The following KAZN variants were observed in gnomAD, a reference collection of about 807,000 sequenced individuals.
KAZN encodes kazrin, periplakin interacting protein.
KAZN carries 40 observed loss-of-function variants against 87.4 expected under a neutral mutation model. The ratio of observed to expected loss-of-function variants is 0.46; its 90% CI spans 0.36 to 0.60. The LOEUF (loss-of-function observed/expected upper bound fraction) is 0.60. Among genes scored for constraint, KAZN ranks in the 20% least tolerant of loss-of-function variants. The probability of loss-of-function intolerance (pLI) is 0.00; values close to 1 mark genes in which losing one functional copy is unlikely to be tolerated. For missense variants in KAZN, 898 were observed against 1,073.9 expected, an observed-to-expected ratio of 0.84 and a Z score of 2.29; for synonymous variants, 466 against 458.3, an observed-to-expected ratio of 1.02 and a Z score of -0.22.
At chr1:14,900,743 G>C (rs969394637) in intron 1 of KAZN, among the ~76,000 whole-genome samples, 2 of 104,756 alleles carry the variant, frequency 1.9e-5, no homozygotes, top group Non-Finnish European at 4.2e-5. Context: ...GACAGAGCAA[G>C]ACTCCATCTC....
At chr1:14,073,293 C>G (rs1391582380) in intron 1 of KAZN, among the ~76,000 whole-genome samples, 1 of 152,126 alleles carries the variant, frequency 6.6e-6, no homozygotes, top group African/African-American at 2.4e-5. Context: ...GCCACAAACT[C>G]TAGTGTACCA....
intron 1 of KAZN, among the ~76,000 whole-genome samples, chr1:14,152,862 G>A (rs545905771): frequency 2.0e-5 from 3 of 152,204 alleles, no homozygotes; most frequent in Admixed American, 6.5e-5. Context: ...GTTATTGCTG[G>A]ACTTTTGGAT....
chr1:14,691,746 C>T (rs1241825819), intron 1 of KAZN, among the ~76,000 whole-genome samples: 1 of 152,146 alleles, frequency 6.6e-6, no homozygotes, highest in Non-Finnish European at 1.5e-5. Flanking sequence ...CTCAGCCTCC[C>T]AGAGTGCCGT....
intron 1 of KAZN, among the ~76,000 whole-genome samples, chr1:14,770,935 G>A (rs1467762100): frequency 2.0e-5 from 3 of 152,186 alleles, no homozygotes; most frequent in African/African-American, 7.2e-5. Flanking sequence ...AAGGGGAACA[G>A]GGAGACATCG....
chr1:14,527,688 C>G (rs116361103), intron 2 of KAZN, among the ~76,000 whole-genome samples: 41 of 152,120 alleles, frequency 2.7e-4, no homozygotes, highest in Non-Finnish European at 5.6e-4. Flanking sequence ...GGAAGAGAAG[C>G]CAGCATGTGC....
At chr1:15,105,865 T>G (rs1326662036) in intron 13 of KAZN, among the ~76,000 whole-genome samples, 1 of 152,220 alleles carries the variant, frequency 6.6e-6, no homozygotes, top group Non-Finnish European at 1.5e-5. Context: ...TTGAAGCTAT[T>G]GTAAAATGCA....
chr1:13,949,306 G>T (rs148553414), intron 1 of KAZN, among the ~76,000 whole-genome samples: 825 of 81,140 alleles, frequency 0.01, 6 homozygotes, highest in African/African-American at 0.038. Flanking sequence ...CATCCCATGA[G>T]CTCTTGTACT....
intron 1 of KAZN, among the ~76,000 whole-genome samples, chr1:13,983,211 A>AG (rs778189296): frequency 1.2e-4 from 19 of 152,180 alleles, no homozygotes; most frequent in Non-Finnish European, 2.8e-4. Context: ...CCGTGGAGCA[A>AG]GGGGTGGCGC....
rs552455269 is a variant in KAZN, at chr1:14,457,887, G to A, written c.250-141096G>A. 5.3e-5 allele frequency among the ~76,000 whole-genome samples: 8 copies of A among 149,610 alleles called. No individual in the cohort carries two copies. The East Asian group carries it at 7.9e-4, about 15-fold the overall frequency. ...GGCTGGAGTGCAGTGGTGCAATCTC[G>A]GCTCACTGCAAGCTCTGCCTCCCGT... On this transcript the variant is annotated intron_variant, in intron 2 of 16. Transcript: ENST00000636203.
intron 1 of KAZN, among the ~76,000 whole-genome samples, chr1:13,903,918 C>T (rs932192225): frequency 6.6e-6 from 1 of 152,130 alleles, no homozygotes; most frequent in Non-Finnish European, 1.5e-5. Context: ...CTCTGAGTCC[C>T]TGGGTGACTG....
intron 1 of KAZN, among the ~76,000 whole-genome samples, chr1:14,721,579 A>C (rs541099282): frequency 6.6e-6 from 1 of 152,196 alleles, no homozygotes; most frequent in South Asian, 2.1e-4. Flanking sequence ...TGTGTTGAGT[A>C]TTTACCTCAA....
intron 1 of KAZN, among the ~76,000 whole-genome samples, chr1:14,787,125 G>C (rs1645531866): frequency 6.6e-6 from 1 of 152,172 alleles, no homozygotes; most frequent in Non-Finnish European, 1.5e-5. Flanking sequence ...CTTTGATTCT[G>C]AGTTCAAGTC....
intron 1 of KAZN, among the ~76,000 whole-genome samples, chr1:14,633,969 G>A (rs1233085948): frequency 6.6e-6 from 1 of 151,962 alleles, no homozygotes; most frequent in Admixed American, 6.6e-5. Context: ...CTGACAAAAT[G>A]GGGTTGTTCT....
intron 1 of KAZN, among the ~76,000 whole-genome samples, chr1:14,681,515 CTTGAAAGT>C (rs1557885357): frequency 1.4e-5 from 2 of 148,112 alleles, no homozygotes; most frequent in East Asian, 4.0e-4. Flanking sequence ...CCATTTTCAG[CTTGAAAGT>C]GGCATTTGCA....
chr1:14,816,765 AATAC>A (rs1175658687), intron 1 of KAZN, among the ~76,000 whole-genome samples: 1 of 152,200 alleles, frequency 6.6e-6, no homozygotes, highest in East Asian at 1.9e-4. Context: ...AGAATGAATA[AATAC>A]ATACATATAT....
chr1:14,050,144 T>C (rs925402120), intron 1 of KAZN, among the ~76,000 whole-genome samples: 2 of 121,466 alleles, frequency 1.6e-5, no homozygotes, highest in Non-Finnish European at 3.9e-5. Context: ...ATGTGTGGAT[T>C]TGGGTATGCT....
At chr1:14,258,061 T>C (rs370480737) in intron 2 of KAZN, among the ~76,000 whole-genome samples, 8 of 148,458 alleles carry the variant, frequency 5.4e-5, no homozygotes, top group African/African-American at 2.0e-4. Context: ...TTATATGAAG[T>C]GCAAGAGACT....
intron 1 of KAZN, among the ~76,000 whole-genome samples, chr1:14,162,752 G>A (rs1645737733): frequency 6.6e-6 from 1 of 151,988 alleles, no homozygotes; most frequent in Admixed American, 6.6e-5. Context: ...CACCGTGTTA[G>A]CCAGGATGGT....
At chr1:14,988,843 G>A (rs934818403) in intron 2 of KAZN, among the ~76,000 whole-genome samples, 1 of 151,146 alleles carries the variant, frequency 6.6e-6, no homozygotes, top group Non-Finnish European at 1.5e-5. Flanking sequence ...TGCAGGCCAC[G>A]GCCCTCCGGG....
Sources: gnomAD v4.1 joint callset for allele counts (sites outside exome capture counted in the v4.1 genomes callset) on GRCh38, gnomAD v4.1.1 for gene constraint, MANE v1.5 for transcripts, NCBI Gene and HGNC (gene_info 2026-07-23, HGNC 2026-07-21) for gene names.